Variants in TTLL11 observed in about 807,000 individuals in gnomAD.
TTLL11 encodes the protein tubulin tyrosine ligase like 11.
TTLL11 carries 42 observed loss-of-function variants against 51.7 expected under a neutral mutation model. That is an observed-to-expected ratio of 0.81 (90% CI 0.64 to 1.05). TTLL11 has a LOEUF of 1.05. TTLL11 is among the 50% of genes least tolerant of loss of function. The pLI, the probability that TTLL11 is intolerant of heterozygous loss-of-function variation, is 0.00. For missense variants in TTLL11, 799 were observed against 940.4 expected, an observed-to-expected ratio of 0.85 and a Z score of 1.97; for synonymous variants, 381 against 383.5, an observed-to-expected ratio of 0.99 and a Z score of 0.08.
intron 1 of TTLL11, among the ~76,000 whole-genome samples, chr9:122,055,666 C>T (rs373465388): frequency 1.3e-5 from 2 of 152,260 alleles, no homozygotes; most frequent in Admixed American, 6.5e-5. Context: ...AACCAGTGGA[C>T]AAGTCAGATA....
chr9:122,079,291 C>G (rs1845939874), intron 1 of TTLL11, among the ~76,000 whole-genome samples: 1 of 152,106 alleles, frequency 6.6e-6, no homozygotes. Context: ...TGGTATTTCA[C>G]TGTGGTTTTG....
chr9:122,033,764 T>C lies in TTLL11; in HGVS notation c.560-1908A>G, dbSNP rs531975319. On this transcript the variant is annotated intron_variant, in intron 2 of 8. Transcript: ENST00000321582. ...CAAGACGTCAGTGCCCAGGTCTTAG[T>C]TGTTGTTTAGAAGGATGTAGGGAAG... 3.3e-5 allele frequency among the ~76,000 whole-genome samples: 5 copies of C among 152,288 alleles called. No homozygotes were observed. The East Asian group carries it at 7.7e-4, about 24-fold the overall frequency.
intron 6 of TTLL11, among the ~76,000 whole-genome samples, chr9:121,948,443 G>A (rs745928844): frequency 6.6e-6 from 1 of 152,206 alleles, no homozygotes; most frequent in Non-Finnish European, 1.5e-5. Flanking sequence ...GAAACGATTT[G>A]TAGGTAGCTA....
At chr9:122,033,195 C>A (rs1050625117) in intron 2 of TTLL11, among the ~76,000 whole-genome samples, 1 of 152,120 alleles carries the variant, frequency 6.6e-6, no homozygotes, top group African/African-American at 2.4e-5. Flanking sequence ...TTACTGCAAC[C>A]GCCGCCTCCT....
At chr9:122,084,914 C>T (rs1846085757) in intron 1 of TTLL11, among the ~76,000 whole-genome samples, 1 of 152,162 alleles carries the variant, frequency 6.6e-6, no homozygotes, top group Admixed American at 6.5e-5. Flanking sequence ...ACTGATGTCA[C>T]TTAAACGGCT....
chr9:121,847,172 T>TCCAG (rs1361302072), intron 8 of TTLL11, among the ~76,000 whole-genome samples: 8 of 138,804 alleles, frequency 5.8e-5, no homozygotes, highest in African/African-American at 2.2e-4. Context: ...ATCGCACCAC[T>TCCAG]GCACTCCAGC....
At chr9:121,850,193 T>C (rs748195128) in intron 8 of TTLL11, among the ~76,000 whole-genome samples, 2 of 152,184 alleles carry the variant, frequency 1.3e-5, no homozygotes, top group African/African-American at 4.8e-5. Context: ...CAGATGTAGA[T>C]AGATACAGAG....
chr9:122,033,081 G>A (rs1844600514), intron 2 of TTLL11, among the ~76,000 whole-genome samples: 1 of 152,194 alleles, frequency 6.6e-6, no homozygotes. Flanking sequence ...AATTACAGGT[G>A]TAAGCCGCCA....
At chr9:121,900,437 A>C (rs774830171) in intron 6 of TTLL11, among the ~76,000 whole-genome samples, 10 of 152,274 alleles carry the variant, frequency 6.6e-5, no homozygotes, top group Non-Finnish European at 1.5e-4. Context: ...TTTGTTATTT[A>C]GCAGTTTCAC....
chr9:121,897,640 A>ACACACACACACACACATG (rs111331446), intron 6 of TTLL11, among the ~76,000 whole-genome samples: 9 of 139,388 alleles, frequency 6.5e-5, no homozygotes, highest in African/African-American at 2.4e-4. Context: ...ACACACACAC[A>ACACACACACACACACATG]CGCGCGCGCG....
At chr9:122,000,270 G>T (rs1340119824) in intron 3 of TTLL11, among the ~76,000 whole-genome samples, 1 of 152,014 alleles carries the variant, frequency 6.6e-6, no homozygotes, top group Admixed American at 6.5e-5. Context: ...AGGAGATGAA[G>T]ACCATCCTGC....
At position 121,818,229 on chromosome 9, in the gene TTLL11, G is replaced by A. The variant is rs1466444324; in HGVS notation, c.*4358C>T. 2 of 152,338 alleles carry A rather than the reference G, an allele frequency of 1.3e-5. No individual in the cohort carries two copies. Among genetic ancestry groups the A allele is most frequent in the African/African-American group, 2.4e-5 (1 of 41,448 alleles). The allele number at this position is 152,338 out of a possible 1,614,324, so 9.4% of individuals were successfully genotyped here. A position where few individuals can be genotyped will look rare whatever the true frequency, so the allele number is the denominator to read the frequency against. The stretch of plus-strand genomic sequence containing the variant: ...TACGCAGCCCAGGCCTGGCCACAAA[G>A]GGCCATGGAGAGACACCTAGAGTCG... On this transcript the variant is annotated 3_prime_UTR_variant, in exon 9 of 9. Transcript: ENST00000321582.
intron 6 of TTLL11, among the ~76,000 whole-genome samples, chr9:121,900,963 T>TG (rs1236794198): frequency 1.6e-4 from 24 of 152,028 alleles, no homozygotes; most frequent in Admixed American, 4.6e-4. Context: ...TGTATAGAGA[T>TG]GGGGTCTCAC....
At chr9:121,841,221 G>A (rs866166491) in intron 8 of TTLL11, among the ~76,000 whole-genome samples, 3 of 152,208 alleles carry the variant, frequency 2.0e-5, no homozygotes, top group Non-Finnish European at 4.4e-5. Context: ...ACGTGTGGGC[G>A]AAGAGTGTGG....
Position 121,948,222 on chromosome 9 carries a change from G to A in TTLL11, c.1481+25787C>T, listed in dbSNP as rs578239581. 7.9e-5 allele frequency among the ~76,000 whole-genome samples: 12 copies of A among 152,254 alleles called. No individual in the cohort carries two copies. The East Asian group carries it at 9.7e-4, about 12-fold the overall frequency. ...AAGCATTTCCTAAGTTAACACAACC[G>A]GAACATGGCAGGCAGGACCAGAACC... On this transcript the variant is annotated intron_variant, in intron 6 of 8. Transcript: ENST00000321582.
chr9:121,926,055 G>A (rs1186388056), intron 6 of TTLL11, among the ~76,000 whole-genome samples: 3 of 152,302 alleles, frequency 2.0e-5, no homozygotes, highest in East Asian at 3.9e-4. Flanking sequence ...GTGAAGGCTC[G>A]CAGGTTATTG....
At chr9:122,081,387 T>G (rs1846001700) in intron 1 of TTLL11, among the ~76,000 whole-genome samples, 1 of 152,312 alleles carries the variant, frequency 6.6e-6, no homozygotes, top group East Asian at 1.9e-4. Context: ...CCTATATGAT[T>G]AACATGGAAT....
chr9:121,998,219 A>G (rs893131625), intron 3 of TTLL11, among the ~76,000 whole-genome samples: 1 of 151,818 alleles, frequency 6.6e-6, no homozygotes, highest in African/African-American at 2.4e-5. Context: ...CCACAGTCCT[A>G]TGTCCCTTGC....
chr9:121,901,740 T>C (rs1839784114), intron 6 of TTLL11, among the ~76,000 whole-genome samples: 1 of 152,198 alleles, frequency 6.6e-6, no homozygotes, highest in Non-Finnish European at 1.5e-5. Context: ...TCCCTCATTG[T>C]TGGGTCTCTA....
Sources: allele counts gnomAD v4.1 joint callset (sites outside exome capture counted in the v4.1 genomes callset), GRCh38; gene constraint gnomAD v4.1.1; transcripts MANE v1.5; gene names NCBI Gene and HGNC (gene_info 2026-07-23, HGNC 2026-07-21).